PARN: variants seen among roughly 807,000 people sequenced by gnomAD.
PARN encodes the protein poly(A)-specific ribonuclease PARN.
A neutral mutation model predicts 102.8 loss-of-function variants in PARN; 71 were observed. The observed-to-expected ratio is 0.69, with a 90% confidence interval of 0.57 to 0.84. The LOEUF is 0.84. Among genes scored for constraint, PARN ranks in the 40% least tolerant of loss-of-function variants. The pLI is 0.00. For missense variants in PARN, 782 were observed against 760.9 expected (o/e 1.03, Z -0.33); for synonymous variants, 261 against 252.9 (o/e 1.03, Z -0.30).
chr16:14,617,879 A>AT (rs900833111), intron 5 of PARN, among the ~76,000 whole-genome samples: 17 of 149,560 alleles, frequency 1.1e-4, no homozygotes, highest in African/African-American at 2.2e-4. Context: ...TTGTTTCACA[A>AT]TTTTTTTTTT....
chr16:14,609,189 T>A, intron 7 of PARN, 66 bp from the exon 8 acceptor site: 1 of 747,418 alleles, frequency 1.3e-6, no homozygotes, highest in Non-Finnish European at 2.2e-6. Flanking sequence ...ACCAAGAAAA[T>A]AATCACAACC....
At chr16:14,619,532 T>G (rs1972155331) in intron 5 of PARN, among the ~76,000 whole-genome samples, 1 of 150,668 alleles carries the variant, frequency 6.6e-6, no homozygotes, top group African/African-American at 2.4e-5. Context: ...TAGGAGATGG[T>G]GGGAGGATCG....
chr16:14,551,894 T>C, intron 21 of PARN, 127 bp downstream of exon 21: 3 of 620,582 alleles, frequency 4.8e-6, no homozygotes, highest in South Asian at 4.5e-5. Context: ...TCAGAGACAA[T>C]CTCAAAAACA....
chr16:14,557,195 C>T (rs1967744333), intron 18 of PARN, among the ~76,000 whole-genome samples: 1 of 152,108 alleles, frequency 6.6e-6, no homozygotes, highest in South Asian at 2.1e-4. Flanking sequence ...AAAAGGCAAT[C>T]TATCTGCCCA....
chr16:14,630,152 C>T lies in PARN; in HGVS notation c.-27G>A. On this transcript the variant is annotated 5_prime_UTR_variant, in exon 1 of 24. Transcript: ENST00000437198. The stretch of plus-strand genomic sequence containing the variant: ...CTGCAGAGTGGCCGGAACCTTGGCC[C>T]CACCCGGGCCCGCGCCCGCCTCAGC... The T allele has an allele frequency of 6.4e-7, 1 of 1,551,154 alleles. No homozygotes were observed. The highest frequency in any genetic ancestry group is 8.7e-7 in the Non-Finnish European group (1 of 1,145,932).
intron 21 of PARN, among the ~76,000 whole-genome samples, chr16:14,551,548 G>A (rs1195391077): frequency 1.3e-5 from 2 of 152,054 alleles, no homozygotes; most frequent in Non-Finnish European, 1.5e-5. Flanking sequence ...CAGCCTAGGC[G>A]ACAGAGCGAG....
At chr16:14,475,682 C>CA (rs1046419806) in intron 22 of PARN, among the ~76,000 whole-genome samples, 1 of 152,210 alleles carries the variant, frequency 6.6e-6, no homozygotes, top group African/African-American at 2.4e-5. Context: ...GCCAAGGGCT[C>CA]AGAGTCAATT....
chr16:14,451,545 T>C (rs546319346), intron 22 of PARN, among the ~76,000 whole-genome samples: 2 of 152,220 alleles, frequency 1.3e-5, no homozygotes, highest in South Asian at 4.1e-4. Context: ...GGGTATTTTA[T>C]AAACCCATTT....
At chr16:14,538,603 A>T (rs1330338847) in intron 21 of PARN, among the ~76,000 whole-genome samples, 1 of 152,138 alleles carries the variant, frequency 6.6e-6, no homozygotes, top group Admixed American at 6.6e-5. Context: ...ATTTTTCACA[A>T]ATGACATTGC....
At chr16:14,563,981 C>G (rs565460790) in intron 18 of PARN, among the ~76,000 whole-genome samples, 2 of 152,122 alleles carry the variant, frequency 1.3e-5, no homozygotes, top group East Asian at 3.9e-4. Context: ...AGTTATCGGT[C>G]CCCCTGTACT....
chr16:14,584,561 G>GT (rs926122818), intron 15 of PARN, 139 bp from the exon 16 acceptor site: 22 of 799,060 alleles, frequency 2.8e-5, no homozygotes, highest in Middle Eastern at 2.3e-4. Context: ...AGAAGTCTTC[G>GT]TTTTTTTCAA....
At chr16:14,517,236 C>T (rs1271125304) in intron 21 of PARN, among the ~76,000 whole-genome samples, 1 of 152,206 alleles carries the variant, frequency 6.6e-6, no homozygotes, top group Non-Finnish European at 1.5e-5. Flanking sequence ...TGGCATGAGA[C>T]CTGCTTTGGC....
At chr16:14,568,861 C>T (rs936705215) in intron 18 of PARN, among the ~76,000 whole-genome samples, 26 of 151,896 alleles carry the variant, frequency 1.7e-4, no homozygotes, top group African/African-American at 5.1e-4. Flanking sequence ...CGCCATTGCA[C>T]TCTAGCCTGG....
intron 22 of PARN, among the ~76,000 whole-genome samples, chr16:14,447,966 C>A (rs1961276165): frequency 6.6e-6 from 1 of 151,924 alleles, no homozygotes; most frequent in African/African-American, 2.4e-5. Context: ...ATCTATCTAT[C>A]TATCTATCTA....
At chr16:14,517,210 C>T (rs1200026989) in intron 21 of PARN, among the ~76,000 whole-genome samples, 1 of 152,160 alleles carries the variant, frequency 6.6e-6, no homozygotes, top group Non-Finnish European at 1.5e-5. Context: ...TTTACTGCTC[C>T]CCTTGAATTT....
intron 7 of PARN, among the ~76,000 whole-genome samples, 168 bp downstream of exon 7, chr16:14,610,476 A>C (rs2151797238): frequency 6.6e-6 from 1 of 152,058 alleles, no homozygotes; most frequent in African/African-American, 2.4e-5. Context: ...GTCTCAAAAA[A>C]AAAAAAAAAA....
chr16:14,575,768 G>C (rs1419298801), intron 18 of PARN, among the ~76,000 whole-genome samples: 1 of 152,186 alleles, frequency 6.6e-6, no homozygotes, highest in Non-Finnish European at 1.5e-5. Context: ...AGATGTGGGA[G>C]GGGCCAAGGG....
At chr16:14,511,281 T>C (rs1422089049) in intron 21 of PARN, among the ~76,000 whole-genome samples, 3 of 152,160 alleles carry the variant, frequency 2.0e-5, no homozygotes, top group African/African-American at 4.8e-5. Flanking sequence ...AAGGATGAGA[T>C]AGCTTGGCTT....
chr16:14,626,144 T>C (rs1001991639), intron 5 of PARN, among the ~76,000 whole-genome samples: 1 of 152,112 alleles, frequency 6.6e-6, no homozygotes, highest in Admixed American at 6.6e-5. Context: ...TTAGTGAGCT[T>C]GAGAAAAGGA....
Sources: gnomAD v4.1 joint callset for allele counts (sites outside exome capture counted in the v4.1 genomes callset) on GRCh38, gnomAD v4.1.1 for gene constraint, MANE v1.5 for transcripts, NCBI Gene and HGNC (gene_info 2026-07-23, HGNC 2026-07-21) for gene names.